Variants in CPSF6 observed in about 807,000 individuals in gnomAD.
CPSF6 encodes cleavage and polyadenylation specific factor 6.
CPSF6 carries 10 observed loss-of-function variants against 56.7 expected under a neutral mutation model. The ratio of observed to expected loss-of-function variants is 0.18; its 90% CI spans 0.11 to 0.30. The LOEUF is 0.30. Ranked by LOEUF, CPSF6 falls within the 10% of genes least tolerant of loss-of-function variation. CPSF6 has a pLI of 1.00. For missense variants in CPSF6, 419 were observed against 722.9 expected (o/e 0.58, Z 4.82); for synonymous variants, 248 against 244.8 (o/e 1.01, Z -0.12).
Position 69,258,550 on chromosome 12 carries a change from TGAA to T in CPSF6, c.695-38_695-36del. ...TATAAAAGTTAAAATATCTTATTAG[TGAA>T]GTGTTTTTTTTTCTCTCTTTCTCCT... On this transcript the variant is annotated intron_variant, in intron 5 of 9. Transcript: ENST00000435070. This position sits in a 1 kb window ranked among gnomAD's most constrained non-coding sequence, Gnocchi z 4.2. 2.1e-6 allele frequency: 3 copies of T among 1,456,814 alleles called. No individual in the cohort carries two copies. The highest frequency in any genetic ancestry group is 2.7e-6 in the Non-Finnish European group (3 of 1,116,016). The allele number at this position is 1,456,814 out of a possible 1,614,324, so 90.2% of individuals were successfully genotyped here.
rs1873167715 is a variant in CPSF6, at chr12:69,269,991, C to G, written c.*483C>G. 1 of 152,376 alleles carries G rather than the reference C, an allele frequency of 6.6e-6. No homozygotes were observed. Among genetic ancestry groups the G allele is most frequent in the African/African-American group, 2.4e-5 (1 of 41,376 alleles). The allele number at this position is 152,376 out of a possible 1,614,324, so 9.4% of individuals were successfully genotyped here. ...TTGATGTTTACACCTCAGGGAAAGT[C>G]TTGTGTTCAGCAATATCTAAAGATA... On this transcript the variant is annotated 3_prime_UTR_variant, in exon 10 of 10. Transcript: ENST00000435070.
intron 4 of CPSF6, among the ~76,000 whole-genome samples, 155 bp downstream of exon 4, chr12:69,256,997 CTG>C (rs1197413843): frequency 6.6e-6 from 1 of 152,206 alleles, no homozygotes; most frequent in East Asian, 1.9e-4. Flanking sequence ...CTGGTTATGA[CTG>C]TGGGCCTGTG....
rs1192767196 is a variant in CPSF6 at position 69,273,827 on chromosome 12, A to G, written c.*4319A>G. The G allele has an allele frequency of 1.3e-5, 2 of 152,076 alleles. No homozygotes were observed. Among genetic ancestry groups the G allele is most frequent in the South Asian group, 2.1e-4 (1 of 4,820 alleles). The allele number at this position is 152,076 out of a possible 1,614,324, so 9.4% of individuals were successfully genotyped here. ...AACTTTAGCCTTAAAAAAAAGGTCT[A>G]TTATTCCTTCCTCTGCATCCCATGG... On this transcript the variant is annotated 3_prime_UTR_variant, in exon 10 of 10. Coordinates refer to ENST00000435070, the MANE Select transcript of CPSF6 (RefSeq NM_007007.3).
chr12:69,260,385 TAAAGC>T (rs1292815133), intron 8 of CPSF6, among the ~76,000 whole-genome samples, 188 bp downstream of exon 8: 1 of 151,410 alleles, frequency 6.6e-6, no homozygotes, highest in Non-Finnish European at 1.5e-5. Context: ...TACTCAGTCT[TAAAGC>T]AAGACTGTAA....
At position 69,273,055 on chromosome 12, in the gene CPSF6, T is replaced by C; in HGVS notation, c.*3547T>C. On this transcript the variant is annotated 3_prime_UTR_variant, in exon 10 of 10. Transcript: ENST00000435070. Reference sequence around the variant, plus strand: ...GGCCTTACATATGGCATTCCTTGTGTTCGTAATGTGAGATTTTTGATTTAG... The same window carrying C: ...GGCCTTACATATGGCATTCCTTGTGCTCGTAATGTGAGATTTTTGATTTAG... The C allele has an allele frequency of 3.4e-6, 1 of 297,918 alleles. No individual in the cohort carries two copies. The highest frequency in any genetic ancestry group is 7.3e-6 in the Non-Finnish European group (1 of 137,568). 18.5% of individuals were successfully genotyped at this position (297,918 alleles called of 1,614,324 possible).
At position 69,270,986 on chromosome 12, in the gene CPSF6, A is replaced by G. The variant is rs1400009205; in HGVS notation, c.*1478A>G. On this transcript the variant is annotated 3_prime_UTR_variant, in exon 10 of 10. Transcript: ENST00000435070. ...ATTCTAGGACAATGCTTAAAGTGTTAAAATACCCTAGATACTGTGTTATGT... is the reference window on the plus strand; with the variant it reads ...ATTCTAGGACAATGCTTAAAGTGTTGAAATACCCTAGATACTGTGTTATGT... 6.6e-6 allele frequency: 1 copy of G among 151,766 alleles called. No homozygotes were observed. The highest frequency in any genetic ancestry group is 1.9e-4 in the East Asian group (1 of 5,200). 9.4% of individuals were successfully genotyped at this position (151,766 alleles called of 1,614,324 possible).
rs934922593 is a variant in CPSF6 at position 69,239,630 on chromosome 12, G to A, written c.-17G>A. ...GCAGGAGGCGGCGGCGGCGGCGGCG[G>A]CCGAGGCTGAAGGAAGATGGCGGAC... On this transcript the variant is annotated 5_prime_UTR_variant, in exon 1 of 10. Coordinates refer to ENST00000435070, the MANE Select transcript of CPSF6 (RefSeq NM_007007.3). 1 of 1,564,370 alleles carries A rather than the reference G, an allele frequency of 6.4e-7. No homozygotes were observed. Among genetic ancestry groups the A allele is most frequent in the Non-Finnish European group, 8.6e-7 (1 of 1,157,648 alleles).
At chr12:69,257,379 T>A (rs1447900772) in intron 4 of CPSF6, among the ~76,000 whole-genome samples, 5 of 152,226 alleles carry the variant, frequency 3.3e-5, no homozygotes, top group African/African-American at 1.2e-4. Context: ...TTTTAATGTT[T>A]TAGCACTTAA....
At chr12:69,250,560 C>T (rs551718109) in intron 1 of CPSF6, among the ~76,000 whole-genome samples, 1 of 131,662 alleles carries the variant, frequency 7.6e-6, no homozygotes, top group East Asian at 2.1e-4. Flanking sequence ...TCGAAACTAG[C>T]GTGGGCAATG....
At chr12:69,252,065 A>G (rs988475125) in intron 2 of CPSF6, 2 of 455,792 alleles carry the variant, frequency 4.4e-6, no homozygotes, top group Non-Finnish European at 8.8e-6. Context: ...TAAACGTTTT[A>G]TTTACATTTC....
intron 2 of CPSF6, among the ~76,000 whole-genome samples, chr12:69,252,679 A>G (rs1420612882): frequency 1.3e-5 from 2 of 152,226 alleles, no homozygotes; most frequent in East Asian, 3.8e-4. Flanking sequence ...CTGCATTTTA[A>G]TTCAAAAACA....
At chr12:69,240,996 A>T (rs1307463817) in intron 1 of CPSF6, among the ~76,000 whole-genome samples, 2 of 152,210 alleles carry the variant, frequency 1.3e-5, no homozygotes, top group Non-Finnish European at 2.9e-5. Context: ...TTACTGGCTA[A>T]TGTGGTTTTC....
rs1234679056 is a variant in CPSF6 at position 69,273,560 on chromosome 12, TA to T, written c.*4054del. On this transcript the variant is annotated 3_prime_UTR_variant, in exon 10 of 10. Transcript: ENST00000435070. ...GTGTAAATGTTTTACATTAATTTCA[TA>T]ATTGGACAGACCCTGCATTTAGCGA... 2 of 152,612 alleles carry T rather than the reference TA, an allele frequency of 1.3e-5. No individual in the cohort carries two copies. Among genetic ancestry groups the T allele is most frequent in the Admixed American group, 1.3e-4 (2 of 15,356 alleles). 9.5% of individuals were successfully genotyped at this position (152,612 alleles called of 1,614,324 possible).
chr12:69,247,969 GGA>G (rs1268028109), intron 1 of CPSF6, among the ~76,000 whole-genome samples: 2 of 152,184 alleles, frequency 1.3e-5, no homozygotes. Flanking sequence ...TAGTCCACAT[GGA>G]GATCAAACCC....
At chr12:69,266,297 C>A (rs942172889) in intron 9 of CPSF6, among the ~76,000 whole-genome samples, 3 of 152,236 alleles carry the variant, frequency 2.0e-5, no homozygotes, top group African/African-American at 7.2e-5. Flanking sequence ...GCTTTCATTG[C>A]TTTAGCTCTG....
rs1466436786 is a variant in CPSF6 at position 69,262,503 on chromosome 12, C to T, written c.1600C>T (p.Arg534Cys). ...CAGAGAACGAGAGAGGCACCGGGAT[C>T]GTGACCGAGACCGTGACCGAGAGCG... ...RSRERERHRDRDRDRDRERDR... is the reference protein window; with the variant it reads ...RSRERERHRDCDRDRDRERDR... The change falls in exon 9 of 10, where the codon CGT becomes TGT. Residue 534 changes from arginine to cysteine, a missense_variant. Arg to Cys is a radical substitution (Grantham distance 180). This residue lies in a region of CPSF6 where 81 missense variants were observed against 193.6 expected (regional missense o/e 0.42). Transcript: ENST00000435070. 4 of 1,613,820 alleles carry T rather than the reference C, an allele frequency of 2.5e-6. No homozygotes were observed. The highest frequency in any genetic ancestry group is 1.7e-5 in the Admixed American group (1 of 59,990).
chr12:69,273,143 C>T lies in CPSF6; in HGVS notation c.*3635C>T, dbSNP rs752333248. 4.1e-6 allele frequency: 2 copies of T among 493,334 alleles called. No homozygotes were observed. Among genetic ancestry groups the T allele is most frequent in the Non-Finnish European group, 8.2e-6 (2 of 244,760 alleles). The allele number at this position is 493,334 out of a possible 1,614,324, so 30.6% of individuals were successfully genotyped here. On this transcript the variant is annotated 3_prime_UTR_variant, in exon 10 of 10. Transcript: ENST00000435070. ...TGAAATAGAAAATGTATTAAAATGT[C>T]TAGGCTTCTGGGAGGAAGTTCTTAT...
intron 1 of CPSF6, among the ~76,000 whole-genome samples, chr12:69,249,455 A>G (rs1872118454): frequency 6.6e-6 from 1 of 152,012 alleles, no homozygotes; most frequent in Non-Finnish European, 1.5e-5. Flanking sequence ...ATTTTGGCTA[A>G]TAGTCCCTAA....
At chr12:69,251,031 C>T in intron 1 of CPSF6, 98 bp from the exon 2 acceptor site, 1 of 1,194,788 alleles carries the variant, frequency 8.4e-7, no homozygotes, top group South Asian at 1.6e-5. Context: ...GGCCTTTTTC[C>T]ATCAGATTTT....
Sources: allele counts gnomAD v4.1 joint callset (sites outside exome capture counted in the v4.1 genomes callset), GRCh38; gene constraint gnomAD v4.1.1; regional missense constraint gnomAD v4.1.1; non-coding constraint Gnocchi (gnomAD v3.1); transcripts MANE v1.5; gene names NCBI Gene and HGNC (gene_info 2026-07-23, HGNC 2026-07-21).